ERCC4: variants seen among roughly 807,000 people sequenced by gnomAD.
ERCC4 encodes DNA repair endonuclease XPF.
Under a neutral mutation model 76.9 loss-of-function variants are expected in ERCC4, and 65 were observed. The observed-to-expected ratio is 0.84, with a 90% CI of 0.69 to 1.04. The LOEUF (loss-of-function observed/expected upper bound fraction) is 1.04. Ranked by LOEUF, ERCC4 falls within the 50% of genes least tolerant of loss-of-function variation. The probability of loss-of-function intolerance (pLI) is 0.00; values close to 1 mark genes in which losing one functional copy is unlikely to be tolerated. For synonymous variants in ERCC4, 463 were observed against 410.1 expected (o/e 1.13, Z -1.56); for missense variants, 1,214 against 1,128.2 (o/e 1.08, Z -1.09).
chr16:13,921,987 G>A (rs750930128), intron 1 of ERCC4, 44 bp from the exon 2 acceptor site: 4 of 1,363,648 alleles, frequency 2.9e-6, no homozygotes, highest in Non-Finnish European at 4.2e-6. Flanking sequence ...ATTAAAAACT[G>A]CCCTGTATTA....
intron 9 of ERCC4, among the ~76,000 whole-genome samples, chr16:13,940,075 G>A (rs531503580): frequency 6.6e-6 from 1 of 152,288 alleles, no homozygotes; most frequent in Non-Finnish European, 1.5e-5. Context: ...TCACAATACA[G>A]TTTCTTCCAG....
chr16:13,932,592 G>C (rs3136124), intron 6 of ERCC4: 7 of 460,890 alleles, frequency 1.5e-5, no homozygotes, highest in Non-Finnish European at 2.7e-5. Context: ...GATTTTTTTA[G>C]AACTTCAAAG....
At chr16:13,921,224 G>C (rs744154) in intron 1 of ERCC4, among the ~76,000 whole-genome samples, 35,357 of 152,008 alleles carry the variant, frequency 0.23, 4,404 homozygotes, top group Middle Eastern at 0.32. Flanking sequence ...CCAAGGCTGT[G>C]TTAAGAGGGC....
intron 2 of ERCC4, chr16:13,922,661 CCTTT>C (rs1567242187): frequency 2.1e-6 from 1 of 481,954 alleles, no homozygotes. Flanking sequence ...TGACCGTTGT[CCTTT>C]CTTTTCTTTG....
intron 10 of ERCC4, among the ~76,000 whole-genome samples, chr16:13,945,127 G>A (rs1395690377): frequency 6.6e-6 from 1 of 152,202 alleles, no homozygotes; most frequent in East Asian, 1.9e-4. Context: ...GGTTGGTTGA[G>A]ACTCAGAATG....
intron 3 of ERCC4, chr16:13,927,804 C>T: frequency 1.9e-6 from 1 of 515,850 alleles, no homozygotes; most frequent in East Asian, 3.4e-5. Flanking sequence ...GGATTTGGCC[C>T]AGACCGTAGT....
intron 8 of ERCC4, among the ~76,000 whole-genome samples, chr16:13,936,626 C>G (rs1192618307): frequency 6.6e-6 from 1 of 152,254 alleles, no homozygotes; most frequent in Non-Finnish European, 1.5e-5. Context: ...AGTTCAACCA[C>G]TTACTCTATC....
chr16:13,948,003 T>A lies in ERCC4; in HGVS notation c.2407T>A (p.Cys803Ser), dbSNP rs1210554526. The part of the protein sequence containing the change: ...LHFPRLRILW[C>S]PSPHATAELF... The stretch of plus-strand genomic sequence containing the variant: ...CTTCCCCAGACTACGGATTCTCTGG[T>A]GCCCCTCTCCTCATGCAACGGCGGA... Residue 803 changes from cysteine (C) to serine (S), a missense_variant, in exon 11 of 11, where the codon TGC becomes AGC. By Grantham distance (112) the Cys-to-Ser change is moderately radical. Coordinates refer to ENST00000311895, the MANE Select transcript of ERCC4 (RefSeq NM_005236.3). The A allele has an allele frequency of 6.2e-7, 1 of 1,614,140 alleles. No individual in the cohort carries two copies. Among genetic ancestry groups the A allele is most frequent in the South Asian group, 1.1e-5 (1 of 91,080 alleles).
rs1355698788 is a variant in ERCC4, at chr16:13,946,740, GTTTTTTT to G, written c.2018-873_2018-867del. On this transcript the variant is annotated intron_variant, in intron 10 of 10. Transcript: ENST00000311895. ...CTCAGACCTACTAAATACAACATCT[GTTTTTTT>G]GTTTGTTTGTTTGTTTGTTTGTTTG... 4.1e-3 allele frequency among the ~76,000 whole-genome samples: 562 copies of G among 136,616 alleles called. 2 individuals carry two copies. Among genetic ancestry groups the G allele is most frequent in the African/African-American group, 0.017 (525 of 31,282 alleles). 89.6% of individuals were successfully genotyped at this position (136,616 alleles called of 152,430 possible). A position where few individuals can be genotyped will look rare whatever the true frequency, so the allele number is the denominator to read the frequency against.
intron 6 of ERCC4, 126 bp from the exon 7 acceptor site, chr16:13,934,066 A>T (rs2032234866): frequency 1.6e-6 from 1 of 627,368 alleles, no homozygotes; most frequent in Non-Finnish European, 2.8e-6. Context: ...ATCTAACATT[A>T]TAAAGAAAGC....
chr16:13,928,285 A>G (rs781626360), intron 4 of ERCC4, 50 bp downstream of exon 4: 27 of 1,280,494 alleles, frequency 2.1e-5, no homozygotes, highest in Middle Eastern at 2.4e-4. Context: ...ATTTTAAAGA[A>G]TGCAAGTTAT....
rs1567253662 is a variant in ERCC4 at position 13,947,762 on chromosome 16, G to A, written c.2166G>A (p.Met722Ile). 1.9e-6 allele frequency: 3 copies of A among 1,614,242 alleles called. No individual in the cohort carries two copies. Among genetic ancestry groups the A allele is most frequent in the South Asian group, 2.2e-5 (2 of 91,086 alleles). ...EVGDYILTPEMCVERKSISDL... is the reference protein window; with the variant it reads ...EVGDYILTPEICVERKSISDL... ...GAGATTACATCCTCACTCCAGAAAT[G>A]TGCGTGGAGCGCAAGAGTATCAGTG... Residue 722 changes from methionine to isoleucine, a missense_variant, in exon 11 of 11, where the codon ATG (methionine) becomes ATA (isoleucine). Physicochemically the swap from Met to Ile is conservative, Grantham distance 10. Coordinates refer to ENST00000311895, the MANE Select transcript of ERCC4 (RefSeq NM_005236.3).
At chr16:13,947,516 C>T (rs1210238566) in intron 10 of ERCC4, 98 bp from the exon 11 acceptor site, 3 of 1,128,706 alleles carry the variant, frequency 2.7e-6, no homozygotes, top group Non-Finnish European at 4.1e-6. Flanking sequence ...ATGTAACCAT[C>T]CATCAGAGTT....
At chr16:13,941,768 C>T (rs1373060590) in intron 9 of ERCC4, among the ~76,000 whole-genome samples, 3 of 152,078 alleles carry the variant, frequency 2.0e-5, no homozygotes, top group African/African-American at 7.2e-5. Flanking sequence ...CACTGCTTTT[C>T]AAAGGAAAGG....
intron 3 of ERCC4, 68 bp from the exon 4 acceptor site, chr16:13,927,960 A>T: frequency 2.5e-6 from 3 of 1,183,176 alleles, no homozygotes; most frequent in Non-Finnish European, 2.5e-6. Flanking sequence ...ATGGGGTGTT[A>T]AACCAAGACC....
rs770347803 is a variant in ERCC4, at chr16:13,935,581, C to T, written c.1649C>T (p.Pro550Leu). The T allele has an allele frequency of 1.9e-6, 3 of 1,614,096 alleles. No homozygotes were observed. Among genetic ancestry groups the T allele is most frequent in the Non-Finnish European group, 1.7e-6 (2 of 1,180,016 alleles). Residue 550 changes from proline (P) to leucine (L), a missense_variant, in exon 8 of 11, where the codon CCC becomes CTC. By Grantham distance (98) the Pro-to-Leu change is moderately conservative. Transcript: ENST00000311895. ...SDAAFGILKE[P>L]LTIIHPLLGC... ...GCTGCTTTCGGAATCCTGAAAGAAC[C>T]CCTCACTATCATCCATCCGCTTCTG...
chr16:13,944,671 T>C, intron 9 of ERCC4, 52 bp from the exon 10 acceptor site: 1 of 1,189,152 alleles, frequency 8.4e-7, no homozygotes, highest in South Asian at 1.2e-5. Context: ...CACAATAAAA[T>C]CTAGAATTTT....
At chr16:13,932,748 C>CA (rs905876808) in intron 6 of ERCC4, 8 of 195,212 alleles carry the variant, frequency 4.1e-5, no homozygotes, top group South Asian at 2.7e-4. Context: ...TCCATCTCTA[C>CA]AAAAAAAATT....
At chr16:13,932,818 G>A in intron 6 of ERCC4, 1 of 183,140 alleles carries the variant, frequency 5.5e-6, no homozygotes. Flanking sequence ...GCTGAGGCAG[G>A]CCGATCACCT....
Sources: allele counts gnomAD v4.1 joint callset (sites outside exome capture counted in the v4.1 genomes callset), GRCh38; gene constraint gnomAD v4.1.1; transcripts MANE v1.5; gene names NCBI Gene and HGNC (gene_info 2026-07-23, HGNC 2026-07-21).